WDPCP: variants seen among roughly 807,000 people sequenced by gnomAD.
WDPCP encodes WD repeat-containing and planar cell polarity effector protein fritz homolog.
In WDPCP, 71 loss-of-function variants were observed where a neutral mutation model predicts 93.1. The observed-to-expected ratio is 0.76, with a 90% CI of 0.63 to 0.93. The LOEUF (loss-of-function observed/expected upper bound fraction) is 0.93, where lower values mean the gene tolerates loss of function less well. Among genes scored for constraint, WDPCP ranks in the 40% least tolerant of loss-of-function variants. The pLI is 0.00. For missense variants in WDPCP, 844 were observed against 887.4 expected (o/e 0.95, Z 0.62); for synonymous variants, 315 against 315.0 (o/e 1.00, Z 0.00).
chr2:63,740,901 A>G (rs1291786120), intron 2 of WDPCP, among the ~76,000 whole-genome samples: 1 of 152,162 alleles, frequency 6.6e-6, no homozygotes, highest in Non-Finnish European at 1.5e-5. Context: ...TCTCCTGTCC[A>G]TGAGGAATAT....
intron 3 of WDPCP, chr2:63,597,244 ATATAT>A (rs1709331208): frequency 1.0e-6 from 1 of 963,790 alleles, no homozygotes; most frequent in Non-Finnish European, 1.2e-6. Flanking sequence ...TGTTAAATTA[ATATAT>A]TATCTTTCTC....
At chr2:63,466,820 G>C (rs1699373317) in intron 6 of WDPCP, among the ~76,000 whole-genome samples, 1 of 152,158 alleles carries the variant, frequency 6.6e-6, no homozygotes. Flanking sequence ...TCCTGAACTG[G>C]CTTCCTTTGT....
At chr2:63,496,570 A>C (rs974423625) in intron 1 of WDPCP, among the ~76,000 whole-genome samples, 2 of 152,224 alleles carry the variant, frequency 1.3e-5, no homozygotes, top group Admixed American at 1.3e-4. Flanking sequence ...AATCCTGAGC[A>C]TAGTACAGTA....
intron 10 of WDPCP, among the ~76,000 whole-genome samples, chr2:63,394,077 A>G (rs1017456038): frequency 3.3e-5 from 5 of 152,134 alleles, no homozygotes; most frequent in Non-Finnish European, 7.4e-5. Flanking sequence ...AAATGAGACT[A>G]AAGAAACAAT....
In WDPCP at chr2:63,382,750, T is replaced by TACTA. The variant is rs1692414535; in HGVS notation, c.1436-660_1436-657dup. On this transcript the variant is annotated intron_variant, in intron 10 of 17. Coordinates refer to ENST00000272321, the MANE Select transcript of WDPCP (RefSeq NM_015910.7). ...ATGAGAAAGATGCTAAAATTCTTCA[T>TACTA]ACTAACTTCAAATCACATCAAAATG... Among the ~76,000 whole-genome samples, 13 of 152,290 alleles carry TACTA rather than the reference T, an allele frequency of 8.5e-5. No individual in the cohort carries two copies. The South Asian group carries it at 2.5e-3, about 29-fold the overall frequency.
chr2:63,526,863 T>A (rs762545582), intron 1 of WDPCP, among the ~76,000 whole-genome samples: 7 of 152,190 alleles, frequency 4.6e-5, no homozygotes, highest in Non-Finnish European at 1.0e-4. Flanking sequence ...TGCTTACTCA[T>A]CTGAGTACAT....
Position 63,550,922 on chromosome 2 carries a change from CCTGT to C in WDPCP, c.75+37271_75+37274del, listed in dbSNP as rs577268779. On this transcript the variant is annotated intron_variant, in intron 1 of 17. Transcript: ENST00000272321. Reference sequence around the variant, plus strand: ...ATTGAACTTCTCTTCACCAGGCAAACCTGTCTATTTTCCTGTGATTCCAGTTTTA... The same window carrying C: ...ATTGAACTTCTCTTCACCAGGCAAACCTATTTTCCTGTGATTCCAGTTTTA... Among the ~76,000 whole-genome samples, 471 of 152,146 alleles carry C rather than the reference CCTGT, an allele frequency of 3.1e-3. 4 individuals carry two copies. The highest frequency in any genetic ancestry group is 0.011 in the African/African-American group (451 of 41,516).
At chr2:63,333,546 A>G (rs1405260026) in intron 12 of WDPCP, among the ~76,000 whole-genome samples, 1 of 152,220 alleles carries the variant, frequency 6.6e-6, no homozygotes, top group Non-Finnish European at 1.5e-5. Flanking sequence ...CTTGGTCACC[A>G]CAATCCTTTA....
chr2:63,495,070 T>G (rs1701145846), intron 1 of WDPCP, among the ~76,000 whole-genome samples: 1 of 152,068 alleles, frequency 6.6e-6, no homozygotes, highest in Admixed American at 6.5e-5. Context: ...CTTTCTTCCG[T>G]GCATTAAATG....
intron 1 of WDPCP, among the ~76,000 whole-genome samples, chr2:63,496,894 T>C (rs1701251465): frequency 6.6e-6 from 1 of 151,948 alleles, no homozygotes; most frequent in Admixed American, 6.6e-5. Flanking sequence ...GGCGGATCAC[T>C]TGAGACCAAG....
intron 2 of WDPCP, among the ~76,000 whole-genome samples, chr2:63,664,037 A>T (rs919602887): frequency 1.3e-5 from 2 of 152,192 alleles, no homozygotes; most frequent in African/African-American, 4.8e-5. Flanking sequence ...AGTTTGAGAT[A>T]ATTAAATCAT....
At chr2:63,745,009 G>T (rs975972131) in intron 2 of WDPCP, among the ~76,000 whole-genome samples, 7 of 151,978 alleles carry the variant, frequency 4.6e-5, no homozygotes, top group African/African-American at 7.3e-5. Context: ...TATTTTCAGT[G>T]CTTCTGCAGA....
chr2:63,352,549 A>C (rs1575206113), intron 12 of WDPCP, among the ~76,000 whole-genome samples: 1 of 152,346 alleles, frequency 6.6e-6, no homozygotes, highest in East Asian at 1.9e-4. Context: ...ATTTAACTGA[A>C]TCATGGGATG....
intron 13 of WDPCP, among the ~76,000 whole-genome samples, chr2:63,292,063 G>A (rs1297430160): frequency 4.1e-4 from 62 of 149,868 alleles, no homozygotes; most frequent in African/African-American, 1.5e-3. Context: ...AACCCGGGAG[G>A]TGGAGCTTGC....
At chr2:63,250,003 AC>A (rs1680589847) in intron 14 of WDPCP, among the ~76,000 whole-genome samples, 1 of 152,186 alleles carries the variant, frequency 6.6e-6, no homozygotes. Flanking sequence ...TATGTAATGT[AC>A]CATAGATCTT....
At chr2:63,568,548 C>T (rs1451737948) in intron 1 of WDPCP, among the ~76,000 whole-genome samples, 1 of 152,214 alleles carries the variant, frequency 6.6e-6, no homozygotes, top group Non-Finnish European at 1.5e-5. Context: ...AAAGGGTACA[C>T]TCACCAGCAG....
At chr2:63,260,640 C>T (rs551034033) in intron 13 of WDPCP, among the ~76,000 whole-genome samples, 2 of 152,180 alleles carry the variant, frequency 1.3e-5, no homozygotes, top group Non-Finnish European at 2.9e-5. Context: ...ACCTCTGCCT[C>T]TTCAGTTCAA....
chr2:63,596,924 A>T (rs1246486845), intron 3 of WDPCP, among the ~76,000 whole-genome samples: 1 of 152,212 alleles, frequency 6.6e-6, no homozygotes, highest in Admixed American at 6.5e-5. Flanking sequence ...TCAGAAGATT[A>T]AATTTGATAG....
At chr2:63,604,888 G>A (rs879580916) in intron 3 of WDPCP, 5 of 1,613,430 alleles carry the variant, frequency 3.1e-6, no homozygotes, top group Non-Finnish European at 4.2e-6. Flanking sequence ...AAAAATCTGT[G>A]AGCCTTCTTA....
Sources: gnomAD v4.1 joint callset for allele counts (sites outside exome capture counted in the v4.1 genomes callset) on GRCh38, gnomAD v4.1.1 for gene constraint, MANE v1.5 for transcripts, NCBI Gene and HGNC (gene_info 2026-07-23, HGNC 2026-07-21) for gene names.